MAP1B: variants seen among roughly 807,000 people sequenced by gnomAD.
The protein encoded by MAP1B is microtubule-associated protein 1B.
MAP1B carries 12 observed loss-of-function variants against 176.1 expected under a neutral mutation model. The observed-to-expected ratio is 0.07, with a 90% CI of 0.04 to 0.11. The LOEUF (loss-of-function observed/expected upper bound fraction) is 0.11. Ranked by LOEUF, MAP1B falls within the 10% of genes least tolerant of loss-of-function variation. The probability of loss-of-function intolerance (pLI) is 1.00; values close to 1 mark genes in which losing one functional copy is unlikely to be tolerated. For missense variants in MAP1B, 2,523 were observed against 2,990.5 expected, an observed-to-expected ratio of 0.84 and a Z score of 3.65; for synonymous variants, 1,044 against 1,135.0, an observed-to-expected ratio of 0.92 and a Z score of 1.61.
chr5:72,126,776 T>G (rs1204687150), intron 2 of MAP1B, among the ~76,000 whole-genome samples: 1 of 152,250 alleles, frequency 6.6e-6, no homozygotes, highest in African/African-American at 2.4e-5. Context: ...TTCTTAATTT[T>G]AGGAAAGATG....
At chr5:72,120,616 C>CG (rs1250078040) in intron 2 of MAP1B, among the ~76,000 whole-genome samples, 1 of 151,708 alleles carries the variant, frequency 6.6e-6, no homozygotes, top group Non-Finnish European at 1.5e-5. Flanking sequence ...TTAGTAGAGA[C>CG]GGGGTTTCAC....
At chr5:72,148,525 A>G (rs1746086010) in intron 2 of MAP1B, among the ~76,000 whole-genome samples, 5 of 152,206 alleles carry the variant, frequency 3.3e-5, no homozygotes, top group Admixed American at 3.3e-4. Context: ...GGTTGCACTT[A>G]TGAATGTACA....
At position 72,196,607 on chromosome 5, in the gene MAP1B, A is replaced by C; in HGVS notation, c.3252A>C (p.Ser1084=). The C allele has an allele frequency of 2.5e-6, 4 of 1,614,054 alleles. No homozygotes were observed. Among genetic ancestry groups the C allele is most frequent in the Non-Finnish European group, 3.4e-6 (4 of 1,180,026 alleles). Residue 1084 remains serine, a synonymous_variant, in exon 5 of 7, where the codon TCA becomes TCC. Transcript: ENST00000296755. This position sits in a 1 kb window ranked among gnomAD's most constrained non-coding sequence, Gnocchi z 5.3. ...CTCCTGGCCGAGAACCTGCATCTTC[A>C]ATTCATGATGAGACTTTACCTGGAG... is the stretch of plus-strand genomic sequence containing the variant. ...AQSPGREPAS[S]IHDETLPGGS...
chr5:72,138,544 AT>A (rs1745878683), intron 2 of MAP1B, among the ~76,000 whole-genome samples: 1 of 152,210 alleles, frequency 6.6e-6, no homozygotes, highest in Non-Finnish European at 1.5e-5. Context: ...AAGCAGAGAT[AT>A]GCACAAAAAA....
In MAP1B at chr5:72,206,686, C is replaced by A. The variant is rs1424221447; in HGVS notation, c.*1447C>A. The A allele has an allele frequency of 6.6e-6, 1 of 151,630 alleles. No individual in the cohort carries two copies. Among genetic ancestry groups the A allele is most frequent in the African/African-American group, 2.4e-5 (1 of 41,122 alleles). 9.4% of individuals were successfully genotyped at this position (151,630 alleles called of 1,614,324 possible). ...TTTACAGGAAATTGCAAAGAAAATTCTCAAGTGATAGTCTTTTTTTTTAAG... is the reference window on the plus strand; with the variant it reads ...TTTACAGGAAATTGCAAAGAAAATTATCAAGTGATAGTCTTTTTTTTTAAG... On this transcript the variant is annotated 3_prime_UTR_variant, in exon 7 of 7. Transcript: ENST00000296755.
At chr5:72,148,661 C>A (rs1349004145) in intron 2 of MAP1B, among the ~76,000 whole-genome samples, 1 of 152,202 alleles carries the variant, frequency 6.6e-6, no homozygotes, top group South Asian at 2.1e-4. Context: ...TTGCCACGCA[C>A]CGAGGAGATG....
chr5:72,134,789 T>G (rs1433651158), intron 2 of MAP1B, among the ~76,000 whole-genome samples: 1 of 151,456 alleles, frequency 6.6e-6, no homozygotes, highest in Non-Finnish European at 1.5e-5. Context: ...AAAATGTTCC[T>G]GAAAAAGGAA....
intron 2 of MAP1B, among the ~76,000 whole-genome samples, chr5:72,154,892 T>C (rs1245547442): frequency 6.6e-6 from 1 of 152,230 alleles, no homozygotes; most frequent in East Asian, 1.9e-4. Context: ...ATCCTTTATC[T>C]GGGGAACTTT....
intron 2 of MAP1B, among the ~76,000 whole-genome samples, chr5:72,176,833 G>C (rs1746661795): frequency 6.6e-6 from 1 of 152,204 alleles, no homozygotes; most frequent in Admixed American, 6.5e-5. Flanking sequence ...CCTAGAAAAA[G>C]TTCTTTTCCA....
intron 2 of MAP1B, among the ~76,000 whole-genome samples, chr5:72,126,155 C>T (rs1022519136): frequency 3.3e-5 from 5 of 152,198 alleles, no homozygotes; most frequent in African/African-American, 9.7e-5. Flanking sequence ...CAATTGCAAG[C>T]TGCTTTCCAG....
At chr5:72,172,038 G>A (rs1238560792) in intron 2 of MAP1B, among the ~76,000 whole-genome samples, 2 of 152,202 alleles carry the variant, frequency 1.3e-5, no homozygotes, top group Admixed American at 1.3e-4. Context: ...TTGGGCTAAG[G>A]CTTTATGTCA....
intron 4 of MAP1B, chr5:72,193,238 G>A (rs1052003248): frequency 1.1e-4 from 40 of 380,948 alleles, no homozygotes; most frequent in African/African-American, 9.9e-4. Flanking sequence ...GTCTCCTATG[G>A]GGAAAAACCC....
At position 72,207,312 on chromosome 5, in the gene MAP1B, A is replaced by G. The variant is rs979619514; in HGVS notation, c.*2073A>G. ...GAACAATGACCTCATTTTATTTTCT[A>G]TGTTAGTTATTTATTTCAAAATTAA... On this transcript the variant is annotated 3_prime_UTR_variant, in exon 7 of 7. Coordinates refer to ENST00000296755, the MANE Select transcript of MAP1B (RefSeq NM_005909.5). 1 of 152,128 alleles carries G rather than the reference A, an allele frequency of 6.6e-6. No individual in the cohort carries two copies. The highest frequency in any genetic ancestry group is 1.5e-5 in the Non-Finnish European group (1 of 68,000). The allele number at this position is 152,128 out of a possible 1,614,324, so 9.4% of individuals were successfully genotyped here.
intron 2 of MAP1B, among the ~76,000 whole-genome samples, chr5:72,130,250 G>C (rs1025556842): frequency 6.6e-6 from 1 of 151,772 alleles, no homozygotes; most frequent in Admixed American, 6.6e-5. Flanking sequence ...GGGATACATT[G>C]TTTAATCTTT....
At chr5:72,192,443 C>T (rs115505150) in intron 4 of MAP1B, among the ~76,000 whole-genome samples, 5 of 152,144 alleles carry the variant, frequency 3.3e-5, no homozygotes, top group East Asian at 1.9e-4. Context: ...TGTTATTTTG[C>T]GGCCCTTTAC....
intron 2 of MAP1B, among the ~76,000 whole-genome samples, chr5:72,142,862 T>C (rs1399813424): frequency 1.3e-5 from 2 of 152,232 alleles, no homozygotes; most frequent in Admixed American, 6.5e-5. Flanking sequence ...TTTTATTCTA[T>C]TTCTTAATAG....
chr5:72,160,309 G>T (rs1005612655), intron 2 of MAP1B, among the ~76,000 whole-genome samples: 1 of 151,648 alleles, frequency 6.6e-6, no homozygotes, highest in Non-Finnish European at 1.5e-5. Flanking sequence ...CTTTGATCAA[G>T]AGCAATGGTA....
chr5:72,196,433 T>C lies in MAP1B; in HGVS notation c.3078T>C (p.Ala1026=). The part of the protein sequence containing the change: ...SEEEADEEDK[A]EDAREEEYEP... The stretch of plus-strand genomic sequence containing the variant: ...AGGAGGCTGATGAGGAGGACAAAGC[T>C]GAAGATGCCAGAGAGGAGGAATATG... Residue 1026 remains alanine (A), a synonymous_variant, in exon 5 of 7, where the codon GCT becomes GCC. Transcript: ENST00000296755. This position sits in a 1 kb window ranked among gnomAD's most constrained non-coding sequence, Gnocchi z 5.3. 7 of 1,613,588 alleles carry C rather than the reference T, an allele frequency of 4.3e-6. No individual in the cohort carries two copies. The highest frequency in any genetic ancestry group is 5.9e-6 in the Non-Finnish European group (7 of 1,179,980).
chr5:72,167,771 G>C (rs1746458483), intron 2 of MAP1B, among the ~76,000 whole-genome samples: 1 of 151,978 alleles, frequency 6.6e-6, no homozygotes, highest in African/African-American at 2.4e-5. Flanking sequence ...CTTTCCCCCA[G>C]TAACCCTTCA....
Sources: allele counts gnomAD v4.1 joint callset (sites outside exome capture counted in the v4.1 genomes callset), GRCh38; gene constraint gnomAD v4.1.1; non-coding constraint Gnocchi (gnomAD v3.1); transcripts MANE v1.5; gene names NCBI Gene and HGNC (gene_info 2026-07-23, HGNC 2026-07-21).